DOCK7: variants seen among roughly 807,000 people sequenced by gnomAD.
DOCK7 encodes dedicator of cytokinesis 7, also known as dedicator of cytokinesis protein 7.
DOCK7 carries 138 observed loss-of-function variants against 271.0 expected under a neutral mutation model. The observed-to-expected ratio is 0.51, with a 90% CI of 0.44 to 0.59. DOCK7 has a LOEUF of 0.59. Ranked by LOEUF, DOCK7 falls within the 20% of genes least tolerant of loss-of-function variation. The pLI is 0.00. For missense variants in DOCK7, 2,066 were observed against 2,592.4 expected, an observed-to-expected ratio of 0.80 and a Z score of 4.41; for synonymous variants, 823 against 876.1, an observed-to-expected ratio of 0.94 and a Z score of 1.07.
At chr1:62,589,807 G>T (rs917365200) in intron 14 of DOCK7, among the ~76,000 whole-genome samples, 1 of 150,878 alleles carries the variant, frequency 6.6e-6, no homozygotes, top group Admixed American at 6.6e-5. Flanking sequence ...GCGTGAACCC[G>T]GTAGGCGGAG....
chr1:62,518,407 T>A (rs926844111), intron 31 of DOCK7, among the ~76,000 whole-genome samples: 30 of 151,828 alleles, frequency 2.0e-4, no homozygotes, highest in African/African-American at 6.8e-4. Context: ...CTGTGTCTAC[T>A]AAAAAAATAC....
intron 29 of DOCK7, among the ~76,000 whole-genome samples, chr1:62,533,382 T>C (rs146354795): frequency 2.3e-3 from 349 of 152,232 alleles, no homozygotes; most frequent in African/African-American, 8.1e-3. Flanking sequence ...AAAGCTAGTA[T>C]GTTTAGGTAA....
chr1:62,558,335 T>C (rs1646215124), intron 20 of DOCK7, among the ~76,000 whole-genome samples: 1 of 152,094 alleles, frequency 6.6e-6, no homozygotes, highest in South Asian at 2.1e-4. Context: ...AAAACTCAAA[T>C]AATTGAATAC....
rs1650629802 is a variant in DOCK7 at position 62,604,355 on chromosome 1, C to G, written c.1682+14351G>C. 17 of 1,266,088 alleles carry G rather than the reference C, an allele frequency of 1.3e-5. No homozygotes were observed. In the South Asian group the frequency reaches 2.2e-4, roughly 16 times the overall value. 78.4% of individuals were successfully genotyped at this position (1,266,088 alleles called of 1,614,324 possible). On this transcript the variant is annotated intron_variant, in intron 14 of 49. Transcript: ENST00000635253. ...CGAATCCCAAATAAGCGTTTTCTCT[C>G]TAGACGAAAACCTCTTAACTATAAT...
rs1183851 is a variant in DOCK7 at position 62,492,987 on chromosome 1, T to C, written c.5218-140A>G. 0.41 allele frequency: 256,894 copies of C among 632,446 alleles called. 54,868 individuals carry two copies. Among genetic ancestry groups the C allele is most frequent in the East Asian group, 0.62 (19,910 of 32,114 alleles). The allele number at this position is 632,446 out of a possible 1,614,324, so 39.2% of individuals were successfully genotyped here. ...GAGTGATATAAAGGTAAAAGATAAA[T>C]CTCTAAAAACTTTCTGTATTTTGAA... On this transcript the variant is annotated intron_variant, in intron 40 of 49. Coordinates refer to ENST00000635253, the MANE Select transcript of DOCK7 (RefSeq NM_001367561.1).
At position 62,647,760 on chromosome 1, in the gene DOCK7, C is replaced by G; in HGVS notation, c.749G>C (p.Arg250Pro). Residue 250 changes from arginine (R) to proline (P), a missense_variant, in exon 7 of 50, where the codon CGG becomes CCG. Arg to Pro is a moderately radical substitution (Grantham distance 103). Coordinates refer to ENST00000635253, the MANE Select transcript of DOCK7 (RefSeq NM_001367561.1). Reference sequence around the variant, plus strand: ...TTTGGGTATATCAGGAACACTAAGCCGTTCTATTGGTTCTTCCTACAAATT... The same window carrying G: ...TTTGGGTATATCAGGAACACTAAGCGGTTCTATTGGTTCTTCCTACAAATT... ...PSPDEEEPIE[R>P]LSVPDIPKEH... is the part of the protein sequence containing the mutation. The G allele has an allele frequency of 6.2e-7, 1 of 1,607,630 alleles. No homozygotes were observed. The highest frequency in any genetic ancestry group is 8.5e-7 in the Non-Finnish European group (1 of 1,177,930).
At chr1:62,623,541 A>G (rs1653546912) in intron 12 of DOCK7, among the ~76,000 whole-genome samples, 1 of 152,224 alleles carries the variant, frequency 6.6e-6, no homozygotes, top group Non-Finnish European at 1.5e-5. Flanking sequence ...ATTTATGCTT[A>G]TAATACCAAT....
intron 39 of DOCK7, 116 bp downstream of exon 39, chr1:62,495,465 T>C (rs1646593327): frequency 1.5e-6 from 1 of 654,080 alleles, no homozygotes; most frequent in Non-Finnish European, 2.3e-6. Context: ...CAATAAAGAA[T>C]GTAAATAAAG....
At chr1:62,609,815 G>A (rs1368612054) in intron 14 of DOCK7, among the ~76,000 whole-genome samples, 1 of 151,950 alleles carries the variant, frequency 6.6e-6, no homozygotes, top group Admixed American at 6.6e-5. Context: ...AAAATGTTAG[G>A]AAATAGAGCT....
Position 62,457,793 on chromosome 1 carries a change from A to G in DOCK7, c.6213-88T>C. On this transcript the variant is annotated intron_variant, in intron 48 of 49. Transcript: ENST00000635253. Reference sequence around the variant, plus strand: ...ACACACGCAAAATACATATACATATATATGTGGGCTTAATGACACACAACA... The same window carrying G: ...ACACACGCAAAATACATATACATATGTATGTGGGCTTAATGACACACAACA... 7 of 1,248,236 alleles carry G rather than the reference A, an allele frequency of 5.6e-6. No homozygotes were observed. In the Admixed American group the frequency reaches 8.2e-5, roughly 15 times the overall value. 77.3% of individuals were successfully genotyped at this position (1,248,236 alleles called of 1,614,324 possible).
chr1:62,471,276 G>A (rs1645824029), intron 48 of DOCK7, among the ~76,000 whole-genome samples: 1 of 152,118 alleles, frequency 6.6e-6, no homozygotes, highest in Admixed American at 6.6e-5. Context: ...GTTTTCAGCT[G>A]TACAAGGGAC....
At chr1:62,587,672 C>T (rs956847804) in intron 14 of DOCK7, among the ~76,000 whole-genome samples, 4 of 152,060 alleles carry the variant, frequency 2.6e-5, no homozygotes, top group Non-Finnish European at 5.9e-5. Flanking sequence ...TATCATGTAT[C>T]CCCAAACAAT....
chr1:62,520,074 TCCTTATA>T (rs1480200968), intron 31 of DOCK7, among the ~76,000 whole-genome samples: 2 of 152,154 alleles, frequency 1.3e-5, no homozygotes, highest in African/African-American at 4.8e-5. Context: ...CTGGATCCCT[TCCTTATA>T]CCTTATACAA....
chr1:62,529,466 C>T lies in DOCK7; in HGVS notation c.3612-20G>A. 1.3e-6 allele frequency: 2 copies of T among 1,577,374 alleles called. No homozygotes were observed. The highest frequency in any genetic ancestry group is 1.7e-6 in the Non-Finnish European group (2 of 1,162,442). Reference sequence around the variant, plus strand: ...AACAGTCTATTTAAAAAGAAGAAGACAAAGAAGAAAAAGCAGTAAGGCCAC... The same window carrying T: ...AACAGTCTATTTAAAAAGAAGAAGATAAAGAAGAAAAAGCAGTAAGGCCAC... On this transcript the variant is annotated intron_variant, in intron 29 of 49. Coordinates refer to ENST00000635253, the MANE Select transcript of DOCK7 (RefSeq NM_001367561.1).
At chr1:62,539,300 G>A (rs1243968371) in intron 27 of DOCK7, among the ~76,000 whole-genome samples, 2 of 152,174 alleles carry the variant, frequency 1.3e-5, no homozygotes, top group Non-Finnish European at 2.9e-5. Context: ...AAAGAGTCAT[G>A]AGTAGGCCAG....
chr1:62,577,625 T>A (rs1214587987), intron 17 of DOCK7, among the ~76,000 whole-genome samples: 1 of 152,266 alleles, frequency 6.6e-6, no homozygotes, highest in Admixed American at 6.5e-5. Flanking sequence ...AGGCAAAAAG[T>A]TGGTCTTAGA....
chr1:62,688,199 G>A, intron 1 of DOCK7, 28 bp downstream of exon 1: 1 of 1,367,982 alleles, frequency 7.3e-7, no homozygotes, highest in South Asian at 1.7e-5. Flanking sequence ...GGGCGGCGGC[G>A]GCGGCGCGCC....
In DOCK7 at chr1:62,559,002, A is replaced by G; in HGVS notation, c.2418T>C (p.Ile806=). The G allele has an allele frequency of 6.2e-7, 1 of 1,611,616 alleles. No homozygotes were observed. The highest frequency in any genetic ancestry group is 8.5e-7 in the Non-Finnish European group (1 of 1,178,158). ...LILLVIRPPV[I]AGQIVNLGQA... Reference sequence around the variant, plus strand: ...AAAGTAAATTACCTATTTGGCCAGCAATGACAGGAGGTCTAATAACTAAAA... The same window carrying G: ...AAAGTAAATTACCTATTTGGCCAGCGATGACAGGAGGTCTAATAACTAAAA... The change falls in exon 20 of 50, where the codon ATT becomes ATC. Residue 806 remains isoleucine, a synonymous_variant. Transcript: ENST00000635253.
At chr1:62,521,214 C>T (rs559786012) in intron 31 of DOCK7, among the ~76,000 whole-genome samples, 1 of 151,912 alleles carries the variant, frequency 6.6e-6, no homozygotes, top group South Asian at 2.1e-4. Context: ...AACAAACCTG[C>T]ACATTCTGCA....
Sources: allele counts gnomAD v4.1 joint callset (sites outside exome capture counted in the v4.1 genomes callset), GRCh38; gene constraint gnomAD v4.1.1; transcripts MANE v1.5; gene names NCBI Gene and HGNC (gene_info 2026-07-23, HGNC 2026-07-21).